The following CELF2 variants were observed in gnomAD, a reference collection of about 807,000 sequenced individuals.
CELF2 encodes CUGBP Elav-like family member 2, also known as CUG triplet repeat RNA-binding protein 2.
CELF2 carries 8 observed loss-of-function variants against 62.6 expected under a neutral mutation model. That is an observed-to-expected ratio of 0.13 (90% CI 0.07 to 0.23). The LOEUF is 0.23. Ranked by LOEUF, CELF2 falls within the 10% of genes least tolerant of loss-of-function variation. CELF2 has a pLI of 1.00. For missense variants in CELF2, 333 were observed against 671.0 expected, an observed-to-expected ratio of 0.50 and a Z score of 5.56; for synonymous variants, 258 against 250.0, an observed-to-expected ratio of 1.03 and a Z score of -0.30.
chr10:11,029,470 C>T (rs533582321), intron 1 of CELF2, among the ~76,000 whole-genome samples: 1 of 152,122 alleles, frequency 6.6e-6, no homozygotes, highest in African/African-American at 2.4e-5. Flanking sequence ...GGAATATCCT[C>T]CACGACGGGC....
chr10:11,205,721 A>G (rs1348683914), intron 2 of CELF2, among the ~76,000 whole-genome samples: 2 of 152,180 alleles, frequency 1.3e-5, no homozygotes, highest in African/African-American at 4.8e-5. Context: ...TGGCCCCAAA[A>G]GTGAATTTCT....
At chr10:10,734,179 G>C in the CELF2 span, among the ~76,000 whole-genome samples, 10 of 151,762 alleles carry the variant, frequency 6.6e-5, no homozygotes, top group South Asian at 2.1e-3. Flanking sequence ...AAGGTAATTC[G>C]GCCTTCCAGA....
the CELF2 span, among the ~76,000 whole-genome samples, chr10:10,553,902 G>T: frequency 6.6e-6 from 1 of 152,122 alleles, no homozygotes; most frequent in South Asian, 2.1e-4. Context: ...AGCTGTGGTC[G>T]CACCCAATGC....
rs943470819 is a variant in CELF2 at position 11,285,732 on chromosome 10, A to G, written c.842-2686A>G. ...AACCTTGGCTAGCTCTGTACAGACA[A>G]TACTCTTCAGAGCAATTTATGTAAA... On this transcript the variant is annotated intron_variant, in intron 8 of 12. Transcript: ENST00000633077. The surrounding 1 kb of genome is among the most constrained non-coding windows in gnomAD (Gnocchi z 4.3). Among the ~76,000 whole-genome samples, 4 of 152,142 alleles carry G rather than the reference A, an allele frequency of 2.6e-5. No homozygotes were observed. Among genetic ancestry groups the G allele is most frequent in the African/African-American group, 7.2e-5 (3 of 41,418 alleles).
chr10:10,785,970 T>C, the CELF2 span, among the ~76,000 whole-genome samples: 1 of 152,186 alleles, frequency 6.6e-6, no homozygotes, highest in Non-Finnish European at 1.5e-5. Context: ...CATACATATA[T>C]CAAAATGTCA....
the CELF2 span, among the ~76,000 whole-genome samples, chr10:10,471,055 C>A: frequency 6.6e-6 from 1 of 151,206 alleles, no homozygotes; most frequent in African/African-American, 2.4e-5. Context: ...TTCCCAGATA[C>A]TTAGGGCCAT....
chr10:11,043,758 C>T (rs1034662067), intron 1 of CELF2, among the ~76,000 whole-genome samples: 77 of 152,178 alleles, frequency 5.1e-4, no homozygotes, highest in African/African-American at 1.8e-3. Flanking sequence ...CGCCCCAGAC[C>T]GAGTACACAT....
intron 1 of CELF2, among the ~76,000 whole-genome samples, chr10:10,807,982 T>C (rs2055409434): frequency 1.3e-5 from 2 of 152,222 alleles, no homozygotes; most frequent in South Asian, 4.1e-4. Context: ...CAGCTTCTTT[T>C]TTGTTAAAGA....
At position 11,223,155 on chromosome 10, in the gene CELF2, G is replaced by A. The variant is rs1489900617; in HGVS notation, c.354+5648G>A. Among the ~76,000 whole-genome samples, 3 of 152,290 alleles carry A rather than the reference G, an allele frequency of 2.0e-5. No homozygotes were observed. Among genetic ancestry groups the A allele is most frequent in the Admixed American group, 6.5e-5 (1 of 15,308 alleles). ...CCGGATCATGGCAGATTCATGGTGCGTGTTAGAGAGGGTGCTTGAGAAATG... is the reference window on the plus strand; with the variant it reads ...CCGGATCATGGCAGATTCATGGTGCATGTTAGAGAGGGTGCTTGAGAAATG... On this transcript the variant is annotated intron_variant, in intron 3 of 12. Transcript: ENST00000633077. This position sits in a 1 kb window ranked among gnomAD's most constrained non-coding sequence, Gnocchi z 5.1.
chr10:10,666,877 AAAG>A, the CELF2 span, among the ~76,000 whole-genome samples: 2 of 150,464 alleles, frequency 1.3e-5, no homozygotes, highest in African/African-American at 4.9e-5. Context: ...AAAAAAAAAA[AAAG>A]AAAAAAAAAA....
the CELF2 span, among the ~76,000 whole-genome samples, chr10:10,505,461 C>T: frequency 6.6e-6 from 1 of 152,034 alleles, no homozygotes; most frequent in Non-Finnish European, 1.5e-5. Flanking sequence ...TGAGAAAAGA[C>T]ACCTTATTAC....
rs2071543484 is a variant in CELF2, at chr10:11,177,261, G to C, written c.271+11579G>C. ...AGGTATTAAAATTAATAGCAATTCT[G>C]AGTAAGTTCCTTCTCATGTAGTTAA... On this transcript the variant is annotated intron_variant, in intron 2 of 12. Transcript: ENST00000633077. This position sits in a 1 kb window ranked among gnomAD's most constrained non-coding sequence, Gnocchi z 4.8. Among the ~76,000 whole-genome samples, 2 of 152,066 alleles carry C rather than the reference G, an allele frequency of 1.3e-5. No homozygotes were observed. Among genetic ancestry groups the C allele is most frequent in the Non-Finnish European group, 2.9e-5 (2 of 68,018 alleles).
At chr10:11,067,757 A>G (rs1271204237) in intron 1 of CELF2, among the ~76,000 whole-genome samples, 1 of 152,246 alleles carries the variant, frequency 6.6e-6, no homozygotes, top group Non-Finnish European at 1.5e-5. Flanking sequence ...CACAGGTTAG[A>G]GTCAGATCAG....
the CELF2 span, among the ~76,000 whole-genome samples, chr10:10,476,256 C>A: frequency 6.6e-6 from 1 of 152,096 alleles, no homozygotes; most frequent in Non-Finnish European, 1.5e-5. Context: ...TACAGCTCTG[C>A]CCCTCTGTGT....
chr10:11,054,437 C>T (rs1302887041), intron 1 of CELF2, among the ~76,000 whole-genome samples: 1 of 151,552 alleles, frequency 6.6e-6, no homozygotes, highest in Non-Finnish European at 1.5e-5. Flanking sequence ...AAAAATCTAT[C>T]ATCAGTTTTC....
the CELF2 span, among the ~76,000 whole-genome samples, chr10:10,462,862 C>A: frequency 6.6e-6 from 1 of 152,010 alleles, no homozygotes; most frequent in South Asian, 2.1e-4. Flanking sequence ...CTAAGATTGT[C>A]GCACTATGAC....
At chr10:11,284,638 A>T (rs150863341) in intron 8 of CELF2, among the ~76,000 whole-genome samples, 1 of 145,884 alleles carries the variant, frequency 6.9e-6, no homozygotes, top group Non-Finnish European at 1.5e-5. Flanking sequence ...CCATACCACA[A>T]TGAGGGATGG....
At position 11,025,207 on chromosome 10, in the gene CELF2, ATGTGTGTGTGTGTGTG is replaced by A. The variant is rs372783836; in HGVS notation, c.74+7062_74+7077del. 2.8e-5 allele frequency among the ~76,000 whole-genome samples: 4 copies of A among 141,250 alleles called. No homozygotes were observed. The East Asian group carries it at 8.4e-4, about 30-fold the overall frequency. The allele number at this position is 141,250 out of a possible 152,430, so 92.7% of individuals were successfully genotyped here. On this transcript the variant is annotated intron_variant, in intron 1 of 12. Coordinates refer to ENST00000633077, the MANE Select transcript of CELF2 (RefSeq NM_001326342.2). ...AATATGTGTGGGGGTATATACATAT[ATGTGTGTGTGTGTGTG>A]TGTGTGTGTGTGTGTGTATATGTAT...
At chr10:11,189,136 G>A (rs1229128829) in intron 2 of CELF2, among the ~76,000 whole-genome samples, 1 of 152,158 alleles carries the variant, frequency 6.6e-6, no homozygotes, top group Non-Finnish European at 1.5e-5. Context: ...TGAATTGTGA[G>A]TATTTTCGGT....
Sources: allele counts gnomAD v4.1 joint callset (sites outside exome capture counted in the v4.1 genomes callset), GRCh38; gene constraint gnomAD v4.1.1; non-coding constraint Gnocchi (gnomAD v3.1); transcripts MANE v1.5; gene names NCBI Gene and HGNC (gene_info 2026-07-23, HGNC 2026-07-21).